Variants in HIPK2 observed in about 807,000 individuals in gnomAD.
HIPK2 encodes homeodomain interacting protein kinase 2.
A neutral mutation model predicts 113.7 loss-of-function variants in HIPK2; 27 were observed. The ratio of observed to expected loss-of-function variants is 0.24; its 90% CI spans 0.17 to 0.33. The LOEUF (loss-of-function observed/expected upper bound fraction) is 0.33. Among genes scored for constraint, HIPK2 ranks in the 10% least tolerant of loss-of-function variants. The pLI, the probability that HIPK2 is intolerant of heterozygous loss-of-function variation, is 1.00. For missense variants in HIPK2, 1,257 were observed against 1,588.0 expected (o/e 0.79, Z 3.54); for synonymous variants, 631 against 642.2 (o/e 0.98, Z 0.26).
At chr7:139,745,106 T>C (rs568492568) in intron 1 of HIPK2, among the ~76,000 whole-genome samples, 2 of 152,106 alleles carry the variant, frequency 1.3e-5, no homozygotes, top group Non-Finnish European at 2.9e-5. Flanking sequence ...AATCAAAAGG[T>C]AGAAGGAGTT....
At chr7:139,777,493 G>T (rs1441521790) in intron 1 of HIPK2, 112 bp downstream of exon 1, 9 of 300,306 alleles carry the variant, frequency 3.0e-5, no homozygotes, top group Non-Finnish European at 4.5e-5. Flanking sequence ...GGCCCCGGGT[G>T]GGGGCTGGGG....
chr7:139,655,752 T>C (rs1390263718), intron 2 of HIPK2, among the ~76,000 whole-genome samples: 1 of 152,016 alleles, frequency 6.6e-6, no homozygotes, highest in Non-Finnish European at 1.5e-5. Context: ...AATGATTGAT[T>C]GTGGTTATGA....
chr7:139,618,953 C>T (rs1800148045), intron 7 of HIPK2, among the ~76,000 whole-genome samples: 1 of 152,172 alleles, frequency 6.6e-6, no homozygotes, highest in African/African-American at 2.4e-5. Flanking sequence ...AAGAAGCTCA[C>T]AGGTCTGGCT....
At chr7:139,573,847 C>CAA (rs372877209) in intron 14 of HIPK2, among the ~76,000 whole-genome samples, 81 of 100,298 alleles carry the variant, frequency 8.1e-4, no homozygotes, top group African/African-American at 2.4e-3. Context: ...AACTCTGTCT[C>CAA]AAAAAAAAAA....
chr7:139,646,827 T>C (rs112280683), intron 2 of HIPK2, among the ~76,000 whole-genome samples: 3,010 of 151,538 alleles, frequency 0.02, 110 homozygotes, highest in African/African-American at 0.07. Context: ...GGAGGGACTC[T>C]TGAGGGAAGT....
intron 1 of HIPK2, among the ~76,000 whole-genome samples, chr7:139,735,848 C>A (rs1293439222): frequency 6.6e-6 from 1 of 152,146 alleles, no homozygotes; most frequent in African/African-American, 2.4e-5. Flanking sequence ...CCATCCACTG[C>A]CTACAGGACC....
chr7:139,655,080 GA>G (rs1403252035), intron 2 of HIPK2, among the ~76,000 whole-genome samples: 1 of 152,138 alleles, frequency 6.6e-6, no homozygotes, highest in East Asian at 1.9e-4. Context: ...ACTGTGGGGG[GA>G]ATTCGCTTGG....
At chr7:139,660,438 C>T (rs191364389) in intron 2 of HIPK2, among the ~76,000 whole-genome samples, 13 of 152,238 alleles carry the variant, frequency 8.5e-5, no homozygotes, top group South Asian at 2.1e-4. Context: ...TATTTAAATC[C>T]TTTTTACAAA....
intron 2 of HIPK2, among the ~76,000 whole-genome samples, chr7:139,687,248 T>G (rs1453189849): frequency 6.6e-6 from 1 of 152,250 alleles, no homozygotes; most frequent in Non-Finnish European, 1.5e-5. Flanking sequence ...ATTTTAAAAT[T>G]AGCTCTAGTA....
In HIPK2 at chr7:139,584,005, T is replaced by C; in HGVS notation, c.2777A>G (p.Tyr926Cys). Residue 926 changes from tyrosine to cysteine, a missense_variant, in exon 13 of 15, where the codon TAC becomes TGC. Transcript: ENST00000406875. The part of the protein sequence containing the change: ...ISCVTVHDSP[Y>C]SDSSSNTSPY... ...GCTGGTGTTGCTGGAGGAGTCGGAGTAGGGGGAGTCGTGGACTGTGACACA... is the reference window on the plus strand; with the variant it reads ...GCTGGTGTTGCTGGAGGAGTCGGAGCAGGGGGAGTCGTGGACTGTGACACA... 6.2e-7 allele frequency: 1 copy of C among 1,612,952 alleles called. No individual in the cohort carries two copies. The highest frequency in any genetic ancestry group is 8.5e-7 in the Non-Finnish European group (1 of 1,179,440).
At chr7:139,608,023 G>A (rs1053695797) in intron 9 of HIPK2, among the ~76,000 whole-genome samples, 1 of 152,086 alleles carries the variant, frequency 6.6e-6, no homozygotes, top group African/African-American at 2.4e-5. Context: ...TGGATCACTT[G>A]ATGCCAGGAG....
intron 13 of HIPK2, among the ~76,000 whole-genome samples, chr7:139,578,705 C>T (rs924300944): frequency 1.3e-5 from 2 of 152,166 alleles, no homozygotes; most frequent in African/African-American, 4.8e-5. Context: ...GAGTCTTGCT[C>T]TGTCGCTCAG....
chr7:139,575,048 G>T, intron 14 of HIPK2, 80 bp downstream of exon 14: 1 of 1,476,466 alleles, frequency 6.8e-7, no homozygotes, highest in African/African-American at 1.4e-5. Context: ...GTGAGGGGCC[G>T]CCACAGCAAT....
At chr7:139,641,193 C>T (rs375398799) in intron 2 of HIPK2, among the ~76,000 whole-genome samples, 3 of 151,918 alleles carry the variant, frequency 2.0e-5, no homozygotes, top group African/African-American at 4.8e-5. Flanking sequence ...GGCAAAACCC[C>T]GTCTCTACTA....
In HIPK2 at chr7:139,631,787, T is replaced by C. The variant is rs973033595; in HGVS notation, c.1104-62A>G. On this transcript the variant is annotated intron_variant, in intron 2 of 14. Transcript: ENST00000406875. The surrounding 1 kb of genome is among the most constrained non-coding windows in gnomAD (Gnocchi z 4.9). ...GGAAATGCAGGAAGCTGTTTCTATA[T>C]GAATACTATCTTTCAAACCTGGGGT... 1.3e-6 allele frequency: 2 copies of C among 1,542,096 alleles called. No individual in the cohort carries two copies. The highest frequency in any genetic ancestry group is 1.7e-6 in the Non-Finnish European group (2 of 1,143,074).
At chr7:139,603,997 G>A (rs931360305) in intron 10 of HIPK2, 84 bp downstream of exon 10, 2 of 1,580,840 alleles carry the variant, frequency 1.3e-6, no homozygotes, top group African/African-American at 1.3e-5. Context: ...TGAAGTACAG[G>A]CCAGCCTGGC....
In HIPK2 at chr7:139,562,349, C is replaced by T. The variant is rs1267955257; in HGVS notation, c.*10578G>A. 1 of 152,184 alleles carries T rather than the reference C, an allele frequency of 6.6e-6. No homozygotes were observed. The highest frequency in any genetic ancestry group is 1.5e-5 in the Non-Finnish European group (1 of 68,032). 9.4% of individuals were successfully genotyped at this position (152,184 alleles called of 1,614,324 possible). On this transcript the variant is annotated 3_prime_UTR_variant, in exon 15 of 15. Transcript: ENST00000406875. ...GGTGAGATGACCCTGGGGAGGGAGC[C>T]ACGTTCCTTGGACCTGGTGACTTAG...
At position 139,714,630 on chromosome 7, in the gene HIPK2, G is replaced by A. The variant is rs1795166221; in HGVS notation, c.1103+1302C>T. Among the ~76,000 whole-genome samples, 2 of 152,232 alleles carry A rather than the reference G, an allele frequency of 1.3e-5. No homozygotes were observed. Among genetic ancestry groups the A allele is most frequent in the African/African-American group, 4.8e-5 (2 of 41,466 alleles). On this transcript the variant is annotated intron_variant, in intron 2 of 14. Coordinates refer to ENST00000406875, the MANE Select transcript of HIPK2 (RefSeq NM_022740.5). This position sits in a 1 kb window ranked among gnomAD's most constrained non-coding sequence, Gnocchi z 4.2. ...GCATGGAGAAAGCACACGGGCAAGCGAGCGTGCTTGCTTGCAAGCAGGATG... is the reference window on the plus strand; with the variant it reads ...GCATGGAGAAAGCACACGGGCAAGCAAGCGTGCTTGCTTGCAAGCAGGATG...
At chr7:139,777,458 G>C (rs1796796496) in intron 1 of HIPK2, 147 bp downstream of exon 1, 1 of 187,152 alleles carries the variant, frequency 5.3e-6, no homozygotes, top group African/African-American at 2.4e-5. Flanking sequence ...TCTTCCGGGC[G>C]AGGGAGGGGG....
Sources: gnomAD v4.1 joint callset for allele counts (sites outside exome capture counted in the v4.1 genomes callset) on GRCh38, gnomAD v4.1.1 for gene constraint, Gnocchi (gnomAD v3.1) non-coding constraint, MANE v1.5 for transcripts, NCBI Gene and HGNC (gene_info 2026-07-23, HGNC 2026-07-21) for gene names.